Variants in KIAA1217 observed in about 807,000 individuals in gnomAD.
KIAA1217 encodes KIAA1217.
In KIAA1217, 88 loss-of-function variants were observed where a neutral mutation model predicts 163.9. That is an observed-to-expected ratio of 0.54 (90% CI 0.45 to 0.64). The LOEUF (loss-of-function observed/expected upper bound fraction) is 0.64, where lower values mean the gene tolerates loss of function less well. Ranked by LOEUF, KIAA1217 falls within the 30% of genes least tolerant of loss-of-function variation. The pLI is 0.00. For missense variants in KIAA1217, 2,372 were observed against 2,475.0 expected (o/e 0.96, Z 0.88); for synonymous variants, 903 against 923.1 (o/e 0.98, Z 0.39).
At chr10:24,145,206 C>T (rs1041324181) in intron 2 of KIAA1217, among the ~76,000 whole-genome samples, 6 of 152,180 alleles carry the variant, frequency 3.9e-5, no homozygotes, top group Non-Finnish European at 7.3e-5. Context: ...CCATTTCCCG[C>T]GGTCACACAA....
At chr10:23,921,563 G>A (rs563849705) in intron 1 of KIAA1217, among the ~76,000 whole-genome samples, 1 of 152,176 alleles carries the variant, frequency 6.6e-6, no homozygotes, top group Admixed American at 6.5e-5. Context: ...CCAGGGAAAT[G>A]AGAATCCAAT....
chr10:23,721,766 C>T (rs1460923951), intron 1 of KIAA1217, among the ~76,000 whole-genome samples: 2 of 151,988 alleles, frequency 1.3e-5, no homozygotes, highest in Non-Finnish European at 2.9e-5. Context: ...CACACTGGTT[C>T]TAAGTTTAAA....
chr10:24,248,534 G>T (rs1018181074), intron 2 of KIAA1217, among the ~76,000 whole-genome samples: 2 of 151,798 alleles, frequency 1.3e-5, no homozygotes, highest in African/African-American at 4.8e-5. Flanking sequence ...AGCCGGGCAT[G>T]GTGGCGGGTG....
At chr10:24,300,311 G>A (rs1302572210) in intron 2 of KIAA1217, among the ~76,000 whole-genome samples, 1 of 152,106 alleles carries the variant, frequency 6.6e-6, no homozygotes, top group Non-Finnish European at 1.5e-5. Flanking sequence ...TTAAATGCTA[G>A]TTATTAGAAA....
chr10:24,140,604 A>T (rs1368913315), intron 2 of KIAA1217, among the ~76,000 whole-genome samples: 1 of 152,174 alleles, frequency 6.6e-6, no homozygotes, highest in Non-Finnish European at 1.5e-5. Context: ...ATGAAGCAGG[A>T]CTGTATGAGA....
In KIAA1217 at chr10:23,789,941, A is replaced by G. The variant is rs868760522; in HGVS notation, c.-321+94707A>G. ...CATATACATGTATATATACACATAT[A>G]CATATACATGTATATATACACATAT... On this transcript the variant is annotated intron_variant, in intron 1 of 18. Coordinates refer to the KIAA1217 transcript ENST00000376462. 1.6e-3 allele frequency among the ~76,000 whole-genome samples: 212 copies of G among 130,076 alleles called. 27 individuals are homozygous for G. Among genetic ancestry groups the G allele is most frequent in the African/African-American group, 6.4e-3 (188 of 29,210 alleles). The allele number at this position is 130,076 out of a possible 152,430, so 85.3% of individuals were successfully genotyped here. A position where few individuals can be genotyped will look rare whatever the true frequency, so the allele number is the denominator to read the frequency against.
At chr10:23,764,211 C>T (rs565748874) in intron 1 of KIAA1217, among the ~76,000 whole-genome samples, 1 of 152,274 alleles carries the variant, frequency 6.6e-6, no homozygotes, top group East Asian at 1.9e-4. Context: ...AAAAGCTGAA[C>T]ATCACTGCTC....
At position 24,543,942 on chromosome 10, in the gene KIAA1217, G is replaced by A; in HGVS notation, c.4672G>A (p.Gly1558Ser). Reference protein sequence around the residue: ...HVDSPNSECKGEDATDDQFES... With the variant: ...HVDSPNSECKSEDATDDQFES... ...GGATTCTCCAAATTCGGAATGCAAGGGTGAGGACGCGACCGATGACCAGTT... is the reference window on the plus strand; with the variant it reads ...GGATTCTCCAAATTCGGAATGCAAGAGTGAGGACGCGACCGATGACCAGTT... The change falls in exon 19 of 21, where the codon GGT becomes AGT. Residue 1558 changes from glycine (G) to serine (S), a missense_variant. Gly to Ser is a moderately conservative substitution (Grantham distance 56). Coordinates refer to ENST00000376454, the MANE Select transcript of KIAA1217 (RefSeq NM_019590.5). The A allele has an allele frequency of 1.9e-6, 3 of 1,613,936 alleles. No homozygotes were observed. Among genetic ancestry groups the A allele is most frequent in the Non-Finnish European group, 2.5e-6 (3 of 1,180,028 alleles).
chr10:24,372,014 G>GGACA (rs2051717720), intron 2 of KIAA1217, among the ~76,000 whole-genome samples: 2 of 152,140 alleles, frequency 1.3e-5, no homozygotes, highest in Non-Finnish European at 1.5e-5. Context: ...GTACACATGG[G>GGACA]TATAAAGATG....
At chr10:24,112,166 G>A (rs1394892973) in intron 2 of KIAA1217, among the ~76,000 whole-genome samples, 1 of 152,164 alleles carries the variant, frequency 6.6e-6, no homozygotes, top group South Asian at 2.1e-4. Flanking sequence ...GCCAACAAAA[G>A]CATTGGAAGA....
chr10:23,790,284 CACATAT>C (rs1835744599), intron 1 of KIAA1217, among the ~76,000 whole-genome samples: 1 of 5,230 alleles, frequency 1.9e-4, no homozygotes, highest in Non-Finnish European at 6.0e-4. Flanking sequence ...TATGCATATG[CACATAT>C]GCATATGCAC....
At chr10:24,354,285 G>A (rs1017255960) in intron 2 of KIAA1217, among the ~76,000 whole-genome samples, 8 of 152,176 alleles carry the variant, frequency 5.3e-5, no homozygotes, top group African/African-American at 1.7e-4. Flanking sequence ...TGAGACAGGG[G>A]TGTGGCTAGT....
At chr10:24,501,653 G>T (rs1190160185) in intron 9 of KIAA1217, 108 bp downstream of exon 9, 1 of 871,736 alleles carries the variant, frequency 1.1e-6, no homozygotes, top group African/African-American at 1.7e-5. Context: ...CATAGAAACA[G>T]CATGGCTTCC....
At chr10:23,995,180 T>C (rs1275436497) in intron 1 of KIAA1217, among the ~76,000 whole-genome samples, 1 of 152,158 alleles carries the variant, frequency 6.6e-6, no homozygotes, top group African/African-American at 2.4e-5. Context: ...GGGGTGGCTC[T>C]GTTCCTCGGG....
intron 2 of KIAA1217, among the ~76,000 whole-genome samples, chr10:24,134,571 TA>T (rs2063767079): frequency 6.6e-6 from 1 of 152,050 alleles, no homozygotes; most frequent in Non-Finnish European, 1.5e-5. Flanking sequence ...AGGTATTGGG[TA>T]TTAATTAATT....
chr10:24,342,170 T>G (rs2047179634), intron 2 of KIAA1217, among the ~76,000 whole-genome samples: 1 of 152,146 alleles, frequency 6.6e-6, no homozygotes, highest in Non-Finnish European at 1.5e-5. Context: ...AGAGCAACAG[T>G]CACAAACATA....
chr10:24,214,390 T>C (rs1279071135), intron 1 of KIAA1217, among the ~76,000 whole-genome samples: 1 of 152,156 alleles, frequency 6.6e-6, no homozygotes, highest in East Asian at 1.9e-4. Context: ...TCCTGCCTTG[T>C]CACTATGGCA....
At chr10:24,063,138 G>A (rs2060798063) in intron 2 of KIAA1217, among the ~76,000 whole-genome samples, 1 of 152,042 alleles carries the variant, frequency 6.6e-6, no homozygotes, top group Non-Finnish European at 1.5e-5. Flanking sequence ...AAGCTCTTTA[G>A]TTTAATTAGA....
chr10:23,864,221 A>C (rs1478656609), intron 1 of KIAA1217, among the ~76,000 whole-genome samples: 1 of 151,942 alleles, frequency 6.6e-6, no homozygotes, highest in Admixed American at 6.6e-5. Context: ...CCAGGCTTTT[A>C]CACTATGCTC....
Sources: allele counts gnomAD v4.1 joint callset (sites outside exome capture counted in the v4.1 genomes callset), GRCh38; gene constraint gnomAD v4.1.1; transcripts MANE v1.5; gene names NCBI Gene and HGNC (gene_info 2026-07-23, HGNC 2026-07-21).